The following VOPP1 variants were observed in gnomAD, a reference collection of about 807,000 sequenced individuals.
VOPP1 encodes VOPP1 WW domain binding protein.
Under a neutral mutation model 23.5 loss-of-function variants are expected in VOPP1, and 8 were observed. That is an observed-to-expected ratio of 0.34 (90% CI 0.20 to 0.61). The LOEUF is 0.61. VOPP1 is among the 20% of genes least tolerant of loss of function. The pLI is 0.78. For missense variants in VOPP1, 174 were observed against 238.1 expected (o/e 0.73, Z 1.77); for synonymous variants, 83 against 97.3 (o/e 0.85, Z 0.86).
chr7:55,545,835 G>A (rs779164354), intron 1 of VOPP1, among the ~76,000 whole-genome samples: 4 of 152,148 alleles, frequency 2.6e-5, no homozygotes, highest in Non-Finnish European at 5.9e-5. Flanking sequence ...CTGGGAGGCT[G>A]AGGTAGGCGG....
intron 4 of VOPP1, among the ~76,000 whole-genome samples, chr7:55,458,069 ATT>A (rs1791412362): frequency 6.6e-6 from 1 of 152,086 alleles, no homozygotes; most frequent in African/African-American, 2.4e-5. Flanking sequence ...CAGGTCTTAT[ATT>A]TATGTCTTTA....
At chr7:55,538,530 G>T (rs1796942228) in intron 1 of VOPP1, 1 of 1,300,866 alleles carries the variant, frequency 7.7e-7, no homozygotes, top group Middle Eastern at 1.8e-4. Context: ...TCCAAAGACT[G>T]AGGATTCCAC....
At chr7:55,533,174 A>G (rs757060427) in intron 1 of VOPP1, among the ~76,000 whole-genome samples, 1 of 152,224 alleles carries the variant, frequency 6.6e-6, no homozygotes, top group African/African-American at 2.4e-5. Context: ...TGTTTAACAC[A>G]AACTCACATG....
At chr7:55,474,517 G>A (rs572197863) in intron 4 of VOPP1, among the ~76,000 whole-genome samples, 126 of 152,330 alleles carry the variant, frequency 8.3e-4, no homozygotes, top group African/African-American at 2.9e-3. Flanking sequence ...GATGGGGAGC[G>A]CACAGCGTGG....
intron 2 of VOPP1, chr7:55,515,931 C>T (rs1795377185): frequency 1.0e-6 from 1 of 982,342 alleles, no homozygotes; most frequent in Non-Finnish European, 1.2e-6. Context: ...TCGGTCAGTT[C>T]CTACCTTTAT....
intron 1 of VOPP1, chr7:55,552,702 C>T: frequency 2.6e-6 from 4 of 1,535,966 alleles, no homozygotes; most frequent in Non-Finnish European, 3.5e-6. Context: ...CCTGGAGCCC[C>T]AGCCCCTCCG....
In VOPP1 at chr7:55,522,700, C is replaced by A. The variant is rs978962648; in HGVS notation, c.55-1570G>T. Among the ~76,000 whole-genome samples, 9 of 152,182 alleles carry A rather than the reference C, an allele frequency of 5.9e-5. No individual in the cohort carries two copies. In the East Asian group the frequency reaches 1.7e-3, roughly 29 times the overall value. ...AACATCAGAACACAAGCCTGAAGCT[C>A]CCCACCTGCCTGGGGCCTGGCTGCT... is the stretch of plus-strand genomic sequence containing the variant. On this transcript the variant is annotated intron_variant, in intron 1 of 4. Coordinates refer to ENST00000285279, the MANE Select transcript of VOPP1 (RefSeq NM_030796.5).
At chr7:55,515,094 G>A (rs767125746) in intron 2 of VOPP1, among the ~76,000 whole-genome samples, 27 of 152,270 alleles carry the variant, frequency 1.8e-4, no homozygotes, top group African/African-American at 2.4e-4. Flanking sequence ...CCAAGCCACC[G>A]CCCTCTCTCT....
intron 1 of VOPP1, among the ~76,000 whole-genome samples, chr7:55,534,108 G>A (rs1056832462): frequency 4.7e-5 from 7 of 148,732 alleles, no homozygotes; most frequent in Admixed American, 1.4e-4. Context: ...GTTAAAATCC[G>A]TGAAGGAAAT....
intron 1 of VOPP1, among the ~76,000 whole-genome samples, chr7:55,555,991 C>T (rs1171263599): frequency 1.3e-5 from 2 of 152,298 alleles, no homozygotes; most frequent in African/African-American, 4.8e-5. Flanking sequence ...CCGTAGATTT[C>T]GCCTCTCTAA....
In VOPP1 at chr7:55,541,901, T is replaced by G. The variant is rs556191894; in HGVS notation, c.55-20771A>C. Among the ~76,000 whole-genome samples, 10 of 152,254 alleles carry G rather than the reference T, an allele frequency of 6.6e-5. No homozygotes were observed. In the East Asian group the frequency reaches 1.9e-3, roughly 29 times the overall value. ...AGTAGATTAATGGTTGCTCAGGGCT[T>G]GGGTAGGGTGGGCCAGAATCAGGAG... On this transcript the variant is annotated intron_variant, in intron 1 of 4. Transcript: ENST00000285279.
At chr7:55,449,466 C>G (rs1791186457) in intron 4 of VOPP1, among the ~76,000 whole-genome samples, 1 of 152,214 alleles carries the variant, frequency 6.6e-6, no homozygotes, top group African/African-American at 2.4e-5. Context: ...TCAGCTGCAG[C>G]GCCAGGCCCA....
intron 4 of VOPP1, among the ~76,000 whole-genome samples, chr7:55,457,604 C>T (rs1055683793): frequency 8.8e-5 from 13 of 148,036 alleles, no homozygotes; most frequent in Non-Finnish European, 1.8e-4. Context: ...CCCTTTTCTC[C>T]ATATTGTTGC....
At chr7:55,552,021 CAAAAAAAAAAAAAAA>C (rs202229227) in intron 1 of VOPP1, among the ~76,000 whole-genome samples, 13,589 of 56,096 alleles carry the variant, frequency 0.24, 1,025 homozygotes, top group East Asian at 0.51. Flanking sequence ...AGACTGTGTC[CAAAAAAAAAAAAAAA>C]AAAAAAAAAA....
intron 3 of VOPP1, among the ~76,000 whole-genome samples, chr7:55,493,649 T>C (rs1182102951): frequency 6.6e-6 from 1 of 152,174 alleles, no homozygotes; most frequent in Admixed American, 6.5e-5. Flanking sequence ...GTGCCTGCTA[T>C]GCCCTGTCAC....
At chr7:55,519,712 G>A (rs1040164843) in intron 2 of VOPP1, among the ~76,000 whole-genome samples, 1 of 152,208 alleles carries the variant, frequency 6.6e-6, no homozygotes, top group African/African-American at 2.4e-5. Context: ...CCCACGCCAT[G>A]GGGCACACTG....
At chr7:55,553,713 A>C (rs1797703820) in intron 1 of VOPP1, 1 of 150,442 alleles carries the variant, frequency 6.6e-6, no homozygotes, top group Non-Finnish European at 1.5e-5. Context: ...CGTCCTCAAG[A>C]CCTGGTTCCC....
intron 3 of VOPP1, chr7:55,492,700 C>G (rs913499547): frequency 9.4e-6 from 3 of 320,464 alleles, no homozygotes; most frequent in Non-Finnish European, 1.7e-5. Context: ...CTGAAAAGCA[C>G]CGTAAAAGAA....
chr7:55,491,329 T>C (rs890838832), intron 4 of VOPP1, among the ~76,000 whole-genome samples: 11 of 152,244 alleles, frequency 7.2e-5, no homozygotes, highest in Non-Finnish European at 8.8e-5. Context: ...CTAGGACTTA[T>C]TCATTTTTCT....
Sources: gnomAD v4.1 joint callset for allele counts (sites outside exome capture counted in the v4.1 genomes callset) on GRCh38, gnomAD v4.1.1 for gene constraint, MANE v1.5 for transcripts, NCBI Gene and HGNC (gene_info 2026-07-23, HGNC 2026-07-21) for gene names.